The following GPR158 variants were observed in gnomAD, a reference collection of about 807,000 sequenced individuals.
GPR158 encodes the protein metabotropic glycine receptor.
GPR158 carries 30 observed loss-of-function variants against 78.2 expected under a neutral mutation model. The observed-to-expected ratio is 0.38, with a 90% CI of 0.29 to 0.52. The LOEUF is 0.52. Ranked by LOEUF, GPR158 falls within the 20% of genes least tolerant of loss-of-function variation. GPR158 has a pLI of 0.83. For synonymous variants in GPR158, 581 were observed against 591.1 expected (o/e 0.98, Z 0.25); for missense variants, 1,463 against 1,523.5 (o/e 0.96, Z 0.66).
At chr10:25,527,103 C>G (rs931922158) in intron 5 of GPR158, among the ~76,000 whole-genome samples, 1 of 151,790 alleles carries the variant, frequency 6.6e-6, no homozygotes, top group African/African-American at 2.4e-5. Context: ...CAATTCTAAA[C>G]ATATATGCAC....
chr10:25,564,296 C>G (rs537293158), intron 6 of GPR158, among the ~76,000 whole-genome samples: 98 of 152,322 alleles, frequency 6.4e-4, no homozygotes, highest in African/African-American at 2.3e-3. Context: ...GGGCCCTTCT[C>G]AGGCCTTTTG....
intron 5 of GPR158, among the ~76,000 whole-genome samples, chr10:25,546,398 T>C (rs1481082917): frequency 6.6e-6 from 1 of 152,148 alleles, no homozygotes; most frequent in East Asian, 1.9e-4. Flanking sequence ...CCTTTTCTTT[T>C]TGCTGTTTCA....
chr10:25,322,093 A>G (rs1050613310), intron 2 of GPR158, among the ~76,000 whole-genome samples: 24 of 152,250 alleles, frequency 1.6e-4, no homozygotes, highest in South Asian at 1.0e-3. Flanking sequence ...TTAGAAAATC[A>G]CAGATACGGC....
At chr10:25,486,656 G>T (rs1835740013) in intron 5 of GPR158, among the ~76,000 whole-genome samples, 1 of 152,094 alleles carries the variant, frequency 6.6e-6, no homozygotes, top group Admixed American at 6.6e-5. Context: ...TGGAGAATTT[G>T]CATTCTTACA....
intron 2 of GPR158, among the ~76,000 whole-genome samples, chr10:25,240,903 T>C (rs1853595466): frequency 6.6e-6 from 1 of 152,182 alleles, no homozygotes; most frequent in African/African-American, 2.4e-5. Flanking sequence ...ACTTTCTTAA[T>C]AGTTTATTTA....
intron 2 of GPR158, among the ~76,000 whole-genome samples, chr10:25,290,417 A>C (rs1854418507): frequency 6.6e-6 from 1 of 152,172 alleles, no homozygotes; most frequent in Non-Finnish European, 1.5e-5. Flanking sequence ...ATGCTTAAGG[A>C]TGTATTGACA....
At chr10:25,284,718 A>T (rs1854322998) in intron 2 of GPR158, among the ~76,000 whole-genome samples, 1 of 151,750 alleles carries the variant, frequency 6.6e-6, no homozygotes. Flanking sequence ...CTTTTTAAAA[A>T]GTTGGGTGTT....
At chr10:25,390,057 A>T (rs1665828980) in intron 2 of GPR158, among the ~76,000 whole-genome samples, 1 of 152,178 alleles carries the variant, frequency 6.6e-6, no homozygotes, top group Admixed American at 6.5e-5. Flanking sequence ...GTCTGCCACC[A>T]TGTAAGACAT....
chr10:25,246,857 G>T (rs1237792811), intron 2 of GPR158, among the ~76,000 whole-genome samples: 1 of 152,166 alleles, frequency 6.6e-6, no homozygotes, highest in Non-Finnish European at 1.5e-5. Flanking sequence ...CCTTTATTAT[G>T]GTTTAATATG....
At chr10:25,278,220 CAGTA>C (rs1298341692) in intron 2 of GPR158, among the ~76,000 whole-genome samples, 9 of 151,682 alleles carry the variant, frequency 5.9e-5, no homozygotes, top group South Asian at 2.1e-4. Context: ...AAAAAATGAG[CAGTA>C]AGTGAGACAT....
chr10:25,455,147 A>C (rs138972802), intron 4 of GPR158, among the ~76,000 whole-genome samples: 2,658 of 152,284 alleles, frequency 0.017, 87 homozygotes, highest in African/African-American at 0.061. Flanking sequence ...GGTTGGAAAA[A>C]TTTAGTTTTT....
intron 4 of GPR158, among the ~76,000 whole-genome samples, chr10:25,454,885 A>G (rs2057622154): frequency 6.6e-6 from 1 of 152,178 alleles, no homozygotes. Context: ...TTGAATATGC[A>G]TCAACAGTAT....
intron 4 of GPR158, among the ~76,000 whole-genome samples, chr10:25,428,108 T>C (rs1834848777): frequency 6.6e-6 from 1 of 152,110 alleles, no homozygotes; most frequent in Non-Finnish European, 1.5e-5. Context: ...GATGAAGAAA[T>C]GGATTTGTAG....
chr10:25,257,374 A>G lies in GPR158; in HGVS notation c.1008+36217A>G, dbSNP rs1853903509. Among the ~76,000 whole-genome samples the G allele has an allele frequency of 2.0e-5, 3 of 152,240 alleles. No homozygotes were observed. In the South Asian group the frequency reaches 6.2e-4, roughly 32 times the overall value. On this transcript the variant is annotated intron_variant, in intron 2 of 10. Transcript: ENST00000376351. ...ACTTTGGGGGACATACTCAAACCAT[A>G]GGAATGCCTCTTAATACATTTGGAA...
rs1433194746 is a variant in GPR158 at position 25,371,285 on chromosome 10, A to T, written c.1009-24626A>T. The stretch of plus-strand genomic sequence containing the variant: ...GTCTCGATGGTCTTTACATGTTGGA[A>T]TGATTTTGCAGTGGCTGGTACCAGT... On this transcript the variant is annotated intron_variant, in intron 2 of 10. Transcript: ENST00000376351. 2.6e-5 allele frequency among the ~76,000 whole-genome samples: 4 copies of T among 151,746 alleles called. No individual in the cohort carries two copies. In the East Asian group the frequency reaches 7.8e-4, roughly 29 times the overall value.
Position 25,466,669 on chromosome 10 carries a change from C to G in GPR158, c.1354C>G (p.Leu452Val). 6.2e-7 allele frequency: 1 copy of G among 1,606,714 alleles called. No homozygotes were observed. Among genetic ancestry groups the G allele is most frequent in the East Asian group, 2.2e-5 (1 of 44,742 alleles). ...TTTTCAGAGCATCCGGGCATCGGGC[C>G]TTATCCTGTTGGAAACGATCCTTTT... is the stretch of plus-strand genomic sequence containing the variant. The part of the protein sequence containing the change: ...RKAKSIRASG[L>V]ILLETILFGS... Residue 452 changes from leucine to valine, a missense_variant, in exon 5 of 11, where the codon CTT becomes GTT. By Grantham distance (32) the Leu-to-Val change is conservative (BLOSUM62 1). Transcript: ENST00000376351.
intron 2 of GPR158, among the ~76,000 whole-genome samples, chr10:25,229,051 A>T (rs1462472832): frequency 6.6e-6 from 1 of 151,478 alleles, no homozygotes; most frequent in African/African-American, 2.4e-5. Flanking sequence ...AAAAAAAAAA[A>T]GATGATTTGT....
intron 5 of GPR158, among the ~76,000 whole-genome samples, chr10:25,502,682 C>CCT (rs1191992636): frequency 6.6e-6 from 1 of 152,140 alleles, no homozygotes; most frequent in African/African-American, 2.4e-5. Flanking sequence ...ATAGGCAGGA[C>CCT]CATGTCTGCT....
chr10:25,439,266 G>A (rs1316475684), intron 4 of GPR158, among the ~76,000 whole-genome samples: 1 of 152,116 alleles, frequency 6.6e-6, no homozygotes, highest in Non-Finnish European at 1.5e-5. Context: ...GACAAGAGAA[G>A]GAATGAGAAA....
Sources: allele counts gnomAD v4.1 joint callset (sites outside exome capture counted in the v4.1 genomes callset), GRCh38; gene constraint gnomAD v4.1.1; transcripts MANE v1.5; gene names NCBI Gene and HGNC (gene_info 2026-07-23, HGNC 2026-07-21).